SLIT3: variants seen among roughly 807,000 people sequenced by gnomAD.
SLIT3 encodes slit guidance ligand 3.
Under a neutral mutation model 184.0 loss-of-function variants are expected in SLIT3, and 68 were observed. That is an observed-to-expected ratio of 0.37 (90% CI 0.30 to 0.45). The LOEUF (loss-of-function observed/expected upper bound fraction) is 0.45, where lower values mean the gene tolerates loss of function less well. Ranked by LOEUF, SLIT3 falls within the 20% of genes least tolerant of loss-of-function variation. The pLI, the probability that SLIT3 is intolerant of heterozygous loss-of-function variation, is 1.00. For missense variants in SLIT3, 1,707 were observed against 2,026.0 expected, an observed-to-expected ratio of 0.84 and a Z score of 3.02; for synonymous variants, 831 against 828.6, an observed-to-expected ratio of 1.00 and a Z score of -0.05.
At chr5:169,139,259 T>C (rs1761637276) in intron 4 of SLIT3, among the ~76,000 whole-genome samples, 1 of 152,246 alleles carries the variant, frequency 6.6e-6, no homozygotes, top group Non-Finnish European at 1.5e-5. Flanking sequence ...GTTTGGTCCT[T>C]GTCCTCAAGA....
chr5:169,041,586 C>T (rs987290359), intron 4 of SLIT3, among the ~76,000 whole-genome samples: 2 of 152,210 alleles, frequency 1.3e-5, no homozygotes, highest in African/African-American at 2.4e-5. Flanking sequence ...GCCTGTCCTT[C>T]CTTCTTTCCC....
intron 4 of SLIT3, among the ~76,000 whole-genome samples, chr5:169,102,503 A>G (rs997640248): frequency 2.0e-5 from 3 of 152,196 alleles, no homozygotes; most frequent in African/African-American, 7.2e-5. Flanking sequence ...ATTACTTATA[A>G]TACCTAATGC....
intron 4 of SLIT3, among the ~76,000 whole-genome samples, chr5:168,888,520 C>T (rs1760310945): frequency 6.6e-6 from 1 of 152,194 alleles, no homozygotes; most frequent in Non-Finnish European, 1.5e-5. Flanking sequence ...ATCTACAAGT[C>T]CTCAGCAGAT....
intron 17 of SLIT3, 120 bp from the exon 18 acceptor site, chr5:168,753,218 C>T (rs1754779609): frequency 1.9e-6 from 2 of 1,047,048 alleles, no homozygotes; most frequent in Non-Finnish European, 2.8e-6. Flanking sequence ...AAGCTCAGTC[C>T]AGCCATGTTG....
rs144190354 is a variant in SLIT3 at position 168,903,746 on chromosome 5, G to C, written c.414-20410C>G. Among the ~76,000 whole-genome samples, 62 of 152,210 alleles carry C rather than the reference G, an allele frequency of 4.1e-4. No homozygotes were observed. In the East Asian group the frequency reaches 0.012, roughly 29 times the overall value. On this transcript the variant is annotated intron_variant, in intron 4 of 35. Transcript: ENST00000519560. ...GTTATTGTCCCTGACCTCCCACTATGATCCCCCTCTACAATTCATAAAGAT... is the reference window on the plus strand; with the variant it reads ...GTTATTGTCCCTGACCTCCCACTATCATCCCCCTCTACAATTCATAAAGAT...
chr5:169,257,564 T>TTG (rs1766012638), intron 1 of SLIT3, among the ~76,000 whole-genome samples: 1 of 104,436 alleles, frequency 9.6e-6, no homozygotes, highest in Non-Finnish European at 1.8e-5. Flanking sequence ...TTTTTTTTTT[T>TTG]GAGACGGTGT....
In SLIT3 at chr5:169,281,617, GAC is replaced by G. The variant is rs200714521; in HGVS notation, c.197+18894_197+18895del. On this transcript the variant is annotated intron_variant, in intron 1 of 35. Coordinates refer to ENST00000519560, the MANE Select transcript of SLIT3 (RefSeq NM_003062.4). ...CATAAATAATTGATGGGGGGAAATG[GAC>G]ACAAAAAAATTATGTGAGCCAATAG... Among the ~76,000 whole-genome samples, 6 of 59,296 alleles carry G rather than the reference GAC, an allele frequency of 1.0e-4. No individual in the cohort carries two copies. The East Asian group carries it at 2.8e-3, about 28-fold the overall frequency. The allele number at this position is 59,296 out of a possible 152,430, so 38.9% of individuals were successfully genotyped here.
chr5:169,060,643 C>A (rs574432036), intron 4 of SLIT3, among the ~76,000 whole-genome samples: 9 of 152,344 alleles, frequency 5.9e-5, no homozygotes, highest in Non-Finnish European at 1.3e-4. Flanking sequence ...TATGTCTCCT[C>A]TTCTCTATTG....
At chr5:168,865,648 A>G (rs1759272493) in intron 5 of SLIT3, among the ~76,000 whole-genome samples, 1 of 152,248 alleles carries the variant, frequency 6.6e-6, no homozygotes, top group South Asian at 2.1e-4. Context: ...TCACTGGTCA[A>G]GATAAATAGA....
chr5:168,944,593 C>T (rs147160173), intron 4 of SLIT3, among the ~76,000 whole-genome samples: 265 of 152,228 alleles, frequency 1.7e-3, no homozygotes, highest in African/African-American at 5.9e-3. Context: ...AGACATAACA[C>T]CTCTTTTGGG....
At chr5:168,778,131 T>C (rs1755824378) in intron 12 of SLIT3, among the ~76,000 whole-genome samples, 1 of 152,332 alleles carries the variant, frequency 6.6e-6, no homozygotes, top group African/African-American at 2.4e-5. Context: ...TTGGTGTAAC[T>C]GCTGTGTGAA....
At chr5:168,903,676 C>T (rs1424479748) in intron 4 of SLIT3, among the ~76,000 whole-genome samples, 1 of 152,118 alleles carries the variant, frequency 6.6e-6, no homozygotes, top group Non-Finnish European at 1.5e-5. Flanking sequence ...TGTCTCTGGC[C>T]CTCCTGGAGG....
At chr5:168,949,285 G>T (rs1015744964) in intron 4 of SLIT3, among the ~76,000 whole-genome samples, 1 of 152,138 alleles carries the variant, frequency 6.6e-6, no homozygotes, top group Admixed American at 6.5e-5. Context: ...GCAGTCATGG[G>T]GACCGTTCAG....
At chr5:169,092,867 A>C (rs1759643052) in intron 4 of SLIT3, among the ~76,000 whole-genome samples, 1 of 152,062 alleles carries the variant, frequency 6.6e-6, no homozygotes. Context: ...TTTTTTGTAC[A>C]TCAATTTGCC....
Position 168,994,623 on chromosome 5 carries a change from CTTTTTTTTTTTTTTTTTTTTT to C in SLIT3, c.414-111308_414-111288del, listed in dbSNP as rs66498923. On this transcript the variant is annotated intron_variant, in intron 4 of 35. Coordinates refer to ENST00000519560, the MANE Select transcript of SLIT3 (RefSeq NM_003062.4). ...ACATGTACCAGTGTCTGGCATTCTACTTTTTTTTTTTTTTTTTTTTTTTTTTTTTTTTTTTTTTTTGAGACT... is the reference window on the plus strand; with the variant it reads ...ACATGTACCAGTGTCTGGCATTCTACTTTTTTTTTTTTTTTTTTTGAGACT... 1.4e-3 allele frequency among the ~76,000 whole-genome samples: 68 copies of C among 47,096 alleles called. 1 individual carries two copies. The highest frequency in any genetic ancestry group is 2.1e-3 in the Non-Finnish European group (56 of 27,044). 30.9% of individuals were successfully genotyped at this position (47,096 alleles called of 152,430 possible).
At chr5:168,873,986 C>A (rs1759634474) in intron 5 of SLIT3, among the ~76,000 whole-genome samples, 2 of 152,202 alleles carry the variant, frequency 1.3e-5, no homozygotes, top group South Asian at 4.1e-4. Flanking sequence ...AATCACCAGG[C>A]AAAGACTCAG....
intron 4 of SLIT3, among the ~76,000 whole-genome samples, chr5:169,011,996 T>C (rs1756175853): frequency 6.6e-6 from 1 of 152,082 alleles, no homozygotes; most frequent in African/African-American, 2.4e-5. Flanking sequence ...GAACCACTTT[T>C]ATTGTCATTT....
intron 4 of SLIT3, among the ~76,000 whole-genome samples, chr5:169,097,724 G>A (rs929790437): frequency 2.0e-5 from 3 of 152,318 alleles, no homozygotes; most frequent in South Asian, 2.1e-4. Context: ...CAGGAGGGCT[G>A]TCAGGTTGGC....
intron 4 of SLIT3, among the ~76,000 whole-genome samples, chr5:168,942,887 C>G (rs1187085846): frequency 6.6e-6 from 1 of 152,130 alleles, no homozygotes; most frequent in Non-Finnish European, 1.5e-5. Context: ...CAAGCCTAGG[C>G]TAAGTAGAAA....
Sources: gnomAD v4.1 joint callset for allele counts (sites outside exome capture counted in the v4.1 genomes callset) on GRCh38, gnomAD v4.1.1 for gene constraint, MANE v1.5 for transcripts, NCBI Gene and HGNC (gene_info 2026-07-23, HGNC 2026-07-21) for gene names.